LDB2: variants seen among roughly 807,000 people sequenced by gnomAD.
The protein encoded by LDB2 is LIM domain-binding protein 2.
In LDB2, 12 loss-of-function variants were observed where a neutral mutation model predicts 44.3. That is an observed-to-expected ratio of 0.27 (90% confidence interval 0.17 to 0.44). The LOEUF is 0.44. Ranked by LOEUF, LDB2 falls within the 20% of genes least tolerant of loss-of-function variation. The probability of loss-of-function intolerance (pLI) is 1.00; values close to 1 mark genes in which losing one functional copy is unlikely to be tolerated. For missense variants in LDB2, 344 were observed against 473.5 expected (o/e 0.73, Z 2.54); for synonymous variants, 164 against 174.8 (o/e 0.94, Z 0.49).
At chr4:16,825,650 C>G (rs1046046726) in intron 1 of LDB2, among the ~76,000 whole-genome samples, 1 of 152,012 alleles carries the variant, frequency 6.6e-6, no homozygotes, top group Non-Finnish European at 1.5e-5. Flanking sequence ...AATAGCCAAA[C>G]CAGTCAATAG....
intron 1 of LDB2, among the ~76,000 whole-genome samples, chr4:16,856,110 C>T (rs542255535): frequency 1.3e-5 from 2 of 152,198 alleles, no homozygotes; most frequent in South Asian, 2.1e-4. Flanking sequence ...AACAAATCAG[C>T]GGAGTGAATG....
At chr4:16,880,903 CAAA>C (rs1004776367) in intron 1 of LDB2, among the ~76,000 whole-genome samples, 4 of 57,466 alleles carry the variant, frequency 7.0e-5, no homozygotes, top group Non-Finnish European at 3.9e-5. Context: ...GACTCCATCT[CAAA>C]AAAAAAAAAA....
intron 1 of LDB2, among the ~76,000 whole-genome samples, chr4:16,820,030 G>A (rs577579783): frequency 5.3e-5 from 8 of 152,200 alleles, no homozygotes; most frequent in Non-Finnish European, 1.2e-4. Context: ...TTTGCTCTAC[G>A]TGCAGAAGTA....
At chr4:16,654,964 T>C (rs1009633794) in intron 2 of LDB2, among the ~76,000 whole-genome samples, 1 of 152,016 alleles carries the variant, frequency 6.6e-6, no homozygotes, top group African/African-American at 2.4e-5. Flanking sequence ...ACGAAACCAT[T>C]GAGAATACAA....
intron 2 of LDB2, among the ~76,000 whole-genome samples, chr4:16,638,705 T>C (rs906077401): frequency 2.0e-5 from 3 of 152,202 alleles, no homozygotes; most frequent in Admixed American, 1.3e-4. Flanking sequence ...ATCCAGTGAA[T>C]AACTTCTACC....
chr4:16,808,370 C>T (rs1030104911), intron 1 of LDB2, among the ~76,000 whole-genome samples: 47 of 152,228 alleles, frequency 3.1e-4, no homozygotes, highest in Non-Finnish European at 2.2e-4. Context: ...AGGAAGATAG[C>T]AAAAATGCCC....
intron 2 of LDB2, among the ~76,000 whole-genome samples, chr4:16,616,115 A>C (rs1727238903): frequency 6.6e-6 from 1 of 152,142 alleles, no homozygotes; most frequent in Non-Finnish European, 1.5e-5. Context: ...ATTATATACT[A>C]GTTACTGTAT....
At chr4:16,653,824 T>C (rs1738974765) in intron 2 of LDB2, 1 of 152,214 alleles carries the variant, frequency 6.6e-6, no homozygotes, top group African/African-American at 2.4e-5. Context: ...AAATCTGAAA[T>C]ATGCCAGGAT....
chr4:16,770,609 G>A (rs539456102), intron 1 of LDB2, among the ~76,000 whole-genome samples: 3 of 152,168 alleles, frequency 2.0e-5, no homozygotes, highest in East Asian at 1.9e-4. Context: ...TCAAATAAGC[G>A]GCAACATTGG....
At chr4:16,859,299 G>T (rs1711652410) in intron 1 of LDB2, among the ~76,000 whole-genome samples, 2 of 152,222 alleles carry the variant, frequency 1.3e-5, no homozygotes, top group Admixed American at 1.3e-4. Flanking sequence ...GCTGAATTCT[G>T]TAAGTAGTGA....
Position 16,528,996 on chromosome 4 carries a change from C to T in LDB2, c.616-16892G>A, listed in dbSNP as rs114833448. On this transcript the variant is annotated intron_variant, in intron 5 of 7. Coordinates refer to ENST00000304523, the MANE Select transcript of LDB2 (RefSeq NM_001290.5). The stretch of plus-strand genomic sequence containing the variant: ...ACCTGGATTTTCTTGGAACAGTTGC[C>T]AGAAGAGAAAAAATGATGACTATAA... 4.5e-3 allele frequency among the ~76,000 whole-genome samples: 684 copies of T among 152,136 alleles called. 7 individuals are homozygous for T. The highest frequency in any genetic ancestry group is 0.016 in the African/African-American group (659 of 41,502).
intron 2 of LDB2, among the ~76,000 whole-genome samples, chr4:16,744,403 C>T (rs1263516760): frequency 6.6e-6 from 1 of 151,966 alleles, no homozygotes. Flanking sequence ...GTGATCCACT[C>T]ATCTCTGCCT....
At chr4:16,754,471 T>A (rs969775630) in intron 2 of LDB2, among the ~76,000 whole-genome samples, 4 of 152,130 alleles carry the variant, frequency 2.6e-5, no homozygotes, top group African/African-American at 9.7e-5. Flanking sequence ...CAAATGGTCC[T>A]CAGCTCTTTG....
chr4:16,798,251 G>A (rs1777119338), intron 1 of LDB2, among the ~76,000 whole-genome samples: 2 of 152,004 alleles, frequency 1.3e-5, no homozygotes, highest in African/African-American at 4.8e-5. Context: ...TCTGCATTGT[G>A]AATATTATTA....
intron 1 of LDB2, among the ~76,000 whole-genome samples, chr4:16,847,810 G>T (rs149986466): frequency 1.3e-5 from 2 of 152,158 alleles, no homozygotes. Context: ...TAGAGACGGG[G>T]TTTTACCATG....
chr4:16,612,881 C>T (rs574077839), intron 2 of LDB2, among the ~76,000 whole-genome samples: 4 of 152,226 alleles, frequency 2.6e-5, no homozygotes, highest in Non-Finnish European at 4.4e-5. Context: ...ATACCCAAAC[C>T]GGGAAGAGAC....
At chr4:16,564,597 C>A (rs190918407) in intron 5 of LDB2, among the ~76,000 whole-genome samples, 2 of 152,212 alleles carry the variant, frequency 1.3e-5, no homozygotes, top group Non-Finnish European at 2.9e-5. Context: ...TTCCTAAAAT[C>A]TTTCAAATGC....
At chr4:16,518,521 T>C (rs912553586) in intron 5 of LDB2, among the ~76,000 whole-genome samples, 17 of 152,046 alleles carry the variant, frequency 1.1e-4, no homozygotes, top group Non-Finnish European at 2.9e-5. Context: ...TCTCTCCTCT[T>C]TCTCAGTCAT....
intron 1 of LDB2, among the ~76,000 whole-genome samples, chr4:16,825,972 T>C (rs2110009370): frequency 6.6e-6 from 1 of 151,738 alleles, no homozygotes; most frequent in Admixed American, 6.6e-5. Context: ...ACGTCATGTA[T>C]ATTCATTATA....
Sources: allele counts gnomAD v4.1 joint callset (sites outside exome capture counted in the v4.1 genomes callset), GRCh38; gene constraint gnomAD v4.1.1; transcripts MANE v1.5; gene names NCBI Gene and HGNC (gene_info 2026-07-23, HGNC 2026-07-21).